CEP290: variants seen among roughly 807,000 people sequenced by gnomAD.
CEP290 encodes the protein centrosomal protein 290, also known as centrosomal protein of 290 kDa.
In CEP290, 317 loss-of-function variants were observed where a neutral mutation model predicts 344.9. The ratio of observed to expected loss-of-function variants is 0.92; its 90% confidence interval spans 0.84 to 1.01. The LOEUF (loss-of-function observed/expected upper bound fraction) is 1.01. CEP290 is among the 50% of genes least tolerant of loss of function. The pLI, the probability that CEP290 is intolerant of heterozygous loss-of-function variation, is 0.00. For synonymous variants in CEP290, 932 were observed against 895.8 expected (o/e 1.04, Z -0.72); for missense variants, 2,754 against 2,761.4 (o/e 1.00, Z 0.06).
intron 46 of CEP290, among the ~76,000 whole-genome samples, chr12:88,062,211 C>CTTA (rs2034534898): frequency 6.6e-6 from 1 of 152,102 alleles, no homozygotes; most frequent in African/African-American, 2.4e-5. Flanking sequence ...TCAACAGGAG[C>CTTA]TTAAGTCTTT....
In CEP290 at chr12:88,087,792, C is replaced by T. The variant is rs371530941; in HGVS notation, c.4182G>A (p.Val1394=). 4.7e-5 allele frequency: 58 copies of T among 1,243,240 alleles called. No individual in the cohort carries two copies. In the African/African-American group the frequency reaches 7.9e-4, roughly 17 times the overall value. The allele number at this position is 1,243,240 out of a possible 1,614,324, so 77.0% of individuals were successfully genotyped here. A position where few individuals can be genotyped will look rare whatever the true frequency, so the allele number is the denominator to read the frequency against. The change falls in exon 32 of 54, where the codon GTG becomes GTA. Residue 1394 remains valine, a synonymous_variant. Coordinates refer to ENST00000552810, the MANE Select transcript of CEP290 (RefSeq NM_025114.4). ...RTISSLEEEI[V]QQNKFHEERQ... ...TATAAAATAAAACCTTGTTCTGTTG[C>T]ACAATTTCTTCTTCAAGACTGCTGA...
At chr12:88,093,325 C>G (rs555183953) in intron 28 of CEP290, among the ~76,000 whole-genome samples, 1 of 152,176 alleles carries the variant, frequency 6.6e-6, no homozygotes, top group East Asian at 1.9e-4. Flanking sequence ...ACTATATTTA[C>G]TGCCACACAG....
chr12:88,134,691 G>A (rs781370686), intron 6 of CEP290, among the ~76,000 whole-genome samples: 1 of 152,150 alleles, frequency 6.6e-6, no homozygotes, highest in Non-Finnish European at 1.5e-5. Context: ...TATCATGGCA[G>A]AAATGACAAC....
In CEP290 at chr12:88,120,065, G is replaced by T. The variant is rs749608777; in HGVS notation, c.1522+49C>A. On this transcript the variant is annotated intron_variant, in intron 15 of 53. Transcript: ENST00000552810. ...AAACAAAATTTAAATTAAAAAAAAA[G>T]ACTTGTAAATCAGGTTGCGCAAACT... The T allele has an allele frequency of 4.7e-5, 57 of 1,202,440 alleles. No homozygotes were observed. The Middle Eastern group carries it at 1.5e-3, about 31-fold the overall frequency. The allele number at this position is 1,202,440 out of a possible 1,614,324, so 74.5% of individuals were successfully genotyped here.
In CEP290 at chr12:88,049,194, G is replaced by C. The variant is rs2033224468; in HGVS notation, c.7430C>G (p.Pro2477Arg). ...GTTTATAGGTGACCTTTAGTAAATG[G>C]GGAAATTAACAGGACTTTCTTCTTC... Reference protein sequence around the residue: ...EDEEESPVNFPIY With the variant: ...EDEEESPVNFRIY The change falls in exon 54 of 54, where the codon CCC (proline) becomes CGC (arginine). Residue 2477 changes from proline (P) to arginine (R), a missense_variant. Transcript: ENST00000552810. 5.7e-6 allele frequency: 9 copies of C among 1,584,614 alleles called. No individual in the cohort carries two copies. Among genetic ancestry groups the C allele is most frequent in the Non-Finnish European group, 7.7e-6 (9 of 1,167,564 alleles).
intron 42 of CEP290, 98 bp from the exon 43 acceptor site, chr12:88,071,547 C>T (rs1455743034): frequency 1.9e-6 from 2 of 1,036,342 alleles, no homozygotes; most frequent in Non-Finnish European, 2.8e-6. Context: ...ATTGTAACAC[C>T]CTATATTTGT....
intron 18 of CEP290, chr12:88,115,386 C>A: frequency 1.2e-6 from 1 of 827,542 alleles, no homozygotes; most frequent in Non-Finnish European, 1.8e-6. Flanking sequence ...CTTTCTCCCT[C>A]TCCCAACATC....
In CEP290 at chr12:88,136,624, GA is replaced by G. The variant is rs543419084; in HGVS notation, c.441+18del. 39 of 1,597,832 alleles carry G rather than the reference GA, an allele frequency of 2.4e-5. No homozygotes were observed. The highest frequency in any genetic ancestry group is 8.9e-5 in the South Asian group (8 of 90,336). On this transcript the variant is annotated intron_variant, in intron 6 of 53. Transcript: ENST00000552810. ...GTAACTTGAACAGTGAAGATTCATG[GA>G]AAAAAAAAGTGCTTTACTTGCTCAT...
intron 26 of CEP290, among the ~76,000 whole-genome samples, chr12:88,098,165 C>T (rs902309150): frequency 6.6e-6 from 1 of 151,358 alleles, no homozygotes; most frequent in African/African-American, 2.4e-5. Flanking sequence ...ATTAGCCAGT[C>T]ATGATGGCAC....
chr12:88,106,811 TTTTCATTC>T lies in CEP290; in HGVS notation c.2673_2680del (p.Asn892IlefsTer17), dbSNP rs1254518751. 1 of 1,608,732 alleles carries T rather than the reference TTTTCATTC, an allele frequency of 6.2e-7. No homozygotes were observed. The stretch of plus-strand genomic sequence containing the variant: ...GGTTGTATATTGCCTTATAAGTGAT[TTTTCATTC>T]ACTTGCAAAACAGTAATTTTCCTAC... On this transcript the variant is annotated frameshift_variant, in exon 25 of 54. Transcript: ENST00000552810. LOFTEE classifies it high-confidence loss of function.
intron 35 of CEP290, 74 bp from the exon 36 acceptor site, chr12:88,084,028 T>G (rs1462885201): frequency 1.1e-6 from 1 of 918,222 alleles, no homozygotes; most frequent in African/African-American, 1.7e-5. Flanking sequence ...ACCTTATATA[T>G]TTTCTCTTCA....
intron 6 of CEP290, among the ~76,000 whole-genome samples, chr12:88,133,011 G>C (rs2040162269): frequency 6.6e-6 from 1 of 151,196 alleles, no homozygotes; most frequent in African/African-American, 2.4e-5. Flanking sequence ...GTGTGAGTTT[G>C]CTGAGGATAA....
At chr12:88,079,973 C>T (rs544268678) in intron 38 of CEP290, among the ~76,000 whole-genome samples, 4 of 152,110 alleles carry the variant, frequency 2.6e-5, no homozygotes, top group Middle Eastern at 3.4e-3. Flanking sequence ...ATCAGATTGA[C>T]GAAAACATAA....
chr12:88,109,063 T>C lies in CEP290; in HGVS notation c.2483+3A>G. 5 of 1,069,572 alleles carry C rather than the reference T, an allele frequency of 4.7e-6. No individual in the cohort carries two copies. Among genetic ancestry groups the C allele is most frequent in the Non-Finnish European group, 6.7e-6 (5 of 749,142 alleles). The allele number at this position is 1,069,572 out of a possible 1,614,324, so 66.3% of individuals were successfully genotyped here. On this transcript the variant is annotated splice_donor_region_variant and intron_variant, in intron 23 of 53. Transcript: ENST00000552810. ...ATATTTATAGTTTTGCTAATACCTATACCTTAGGTATTCTTTATACAACAA... is the reference window on the plus strand; with the variant it reads ...ATATTTATAGTTTTGCTAATACCTACACCTTAGGTATTCTTTATACAACAA...
intron 45 of CEP290, among the ~76,000 whole-genome samples, chr12:88,063,358 C>G (rs1372642242): frequency 6.6e-6 from 1 of 151,606 alleles, no homozygotes; most frequent in Non-Finnish European, 1.5e-5. Context: ...ACTTGGAAAA[C>G]CAAAGATTAA....
chr12:88,087,272 C>CT (rs1239793935), intron 32 of CEP290, among the ~76,000 whole-genome samples: 1 of 151,976 alleles, frequency 6.6e-6, no homozygotes, highest in African/African-American at 2.4e-5. Flanking sequence ...AATGAGGTTG[C>CT]TTATGTATTG....
Position 88,141,890 on chromosome 12 carries a change from A to C in CEP290, c.-28+10T>G, listed in dbSNP as rs1281527612. 1 of 152,374 alleles carries C rather than the reference A, an allele frequency of 6.6e-6. No individual in the cohort carries two copies. The highest frequency in any genetic ancestry group is 1.9e-4 in the East Asian group (1 of 5,180). 9.4% of individuals were successfully genotyped at this position (152,374 alleles called of 1,614,324 possible). A position where few individuals can be genotyped will look rare whatever the true frequency, so the allele number is the denominator to read the frequency against. ...TGACTCGCTAATCCTGCTTACAAGGATCCACCCACCTAGACCAAGCCTGGC... is the reference window on the plus strand; with the variant it reads ...TGACTCGCTAATCCTGCTTACAAGGCTCCACCCACCTAGACCAAGCCTGGC... On this transcript the variant is annotated intron_variant, in intron 1 of 53. Transcript: ENST00000552810.
rs1242594612 is a variant in CEP290, at chr12:88,084,687, A to G, written c.4603T>C (p.Leu1535=). Residue 1535 remains leucine (L), a synonymous_variant, in exon 35 of 54, where the codon TTG becomes CTG. Transcript: ENST00000552810. ...KEMEPKSHHT[L]KIAHQTIANM... Reference sequence around the variant, plus strand: ...GCAATGGTTTGATGAGCAATTTTCAATGTGTGGTGAGATTTTGGTTCCATC... The same window carrying G: ...GCAATGGTTTGATGAGCAATTTTCAGTGTGTGGTGAGATTTTGGTTCCATC... 3.1e-6 allele frequency: 5 copies of G among 1,613,610 alleles called. No homozygotes were observed. Among genetic ancestry groups the G allele is most frequent in the Middle Eastern group, 1.6e-4 (1 of 6,082 alleles).
chr12:88,093,821 C>A lies in CEP290; in HGVS notation c.3258G>T (p.Ser1086=), dbSNP rs775973036. 6.2e-7 allele frequency: 1 copy of A among 1,612,476 alleles called. No homozygotes were observed. Among genetic ancestry groups the A allele is most frequent in the South Asian group, 1.1e-5 (1 of 90,910 alleles). ...AATTACGTTCCTCCATTTGCTTTAACGAAGTCCGTAAGTGTTCATACATTT... is the reference window on the plus strand; with the variant it reads ...AATTACGTTCCTCCATTTGCTTTAAAGAAGTCCGTAAGTGTTCATACATTT... ...CQKMYEHLRT[S]LKQMEERNFE... is the part of the protein sequence containing the mutation. Residue 1086 remains serine (S), a synonymous_variant, in exon 28 of 54, where the codon TCG becomes TCT. Transcript: ENST00000552810.
Sources: allele counts gnomAD v4.1 joint callset (sites outside exome capture counted in the v4.1 genomes callset), GRCh38; gene constraint gnomAD v4.1.1; transcripts MANE v1.5; gene names NCBI Gene and HGNC (gene_info 2026-07-23, HGNC 2026-07-21).